The following CNTNAP2 variants were observed in gnomAD, a reference collection of about 807,000 sequenced individuals.
CNTNAP2 encodes the protein contactin-associated protein-like 2.
Under a neutral mutation model 155.2 loss-of-function variants are expected in CNTNAP2, and 98 were observed. That is an observed-to-expected ratio of 0.63 (90% CI 0.54 to 0.75). CNTNAP2 has a LOEUF of 0.75. Ranked by LOEUF, CNTNAP2 falls within the 30% of genes least tolerant of loss-of-function variation. The pLI, the probability that CNTNAP2 is intolerant of heterozygous loss-of-function variation, is 0.00. For missense variants in CNTNAP2, 1,727 were observed against 1,688.1 expected (o/e 1.02, Z -0.40); for synonymous variants, 651 against 631.2 (o/e 1.03, Z -0.47).
Position 147,526,008 on chromosome 7 carries a change from C to T in CNTNAP2, c.1778-36130C>T, listed in dbSNP as rs7780719. On this transcript the variant is annotated intron_variant, in intron 11 of 23. Coordinates refer to ENST00000361727, the MANE Select transcript of CNTNAP2 (RefSeq NM_014141.6). ...AGGAGTTTGACACCAGCCTGTCCAA[C>T]ATGGTGAAACCCCATCTGTACTAAA... Among the ~76,000 whole-genome samples the T allele has an allele frequency of 1.5e-3, 221 of 151,940 alleles. 1 individual carries two copies. The highest frequency in any genetic ancestry group is 4.9e-3 in the African/African-American group (202 of 41,424).
At chr7:146,190,749 C>T (rs1798691177) in intron 1 of CNTNAP2, among the ~76,000 whole-genome samples, 1 of 152,118 alleles carries the variant, frequency 6.6e-6, no homozygotes, top group Non-Finnish European at 1.5e-5. Context: ...ACAAAATCCT[C>T]TTGCTCACAG....
rs536768763 is a variant in CNTNAP2, at chr7:146,142,028, C to A, written c.97+25055C>A. Among the ~76,000 whole-genome samples, 17 of 152,192 alleles carry A rather than the reference C, an allele frequency of 1.1e-4. No homozygotes were observed. The South Asian group carries it at 1.7e-3, about 15-fold the overall frequency. On this transcript the variant is annotated intron_variant, in intron 1 of 23. Coordinates refer to ENST00000361727, the MANE Select transcript of CNTNAP2 (RefSeq NM_014141.6). ...TTCTGCTGTTTTTTCTTAACTTTGC[C>A]CATACTGAGTTTGCTTTGTATTTCC...
chr7:147,545,024 C>G (rs922913553), intron 11 of CNTNAP2, among the ~76,000 whole-genome samples: 7 of 152,000 alleles, frequency 4.6e-5, no homozygotes, highest in African/African-American at 1.7e-4. Context: ...TACACACACA[C>G]ACATACACGT....
intron 13 of CNTNAP2, among the ~76,000 whole-genome samples, chr7:147,681,991 A>G (rs951101323): frequency 1.3e-5 from 2 of 151,910 alleles, no homozygotes; most frequent in African/African-American, 4.8e-5. Context: ...AAAAGGAGAT[A>G]GGAAATGTTA....
intron 1 of CNTNAP2, among the ~76,000 whole-genome samples, chr7:146,492,720 T>A (rs1275641066): frequency 6.6e-6 from 1 of 152,204 alleles, no homozygotes; most frequent in Non-Finnish European, 1.5e-5. Context: ...GTTGTGTATA[T>A]TGAAGCTATA....
At chr7:147,526,352 AAATT>A (rs1799319105) in intron 11 of CNTNAP2, among the ~76,000 whole-genome samples, 1 of 152,174 alleles carries the variant, frequency 6.6e-6, no homozygotes, top group South Asian at 2.1e-4. Context: ...AGGTAGAAGA[AAATT>A]AAGCAGTTTC....
At chr7:146,642,528 C>G (rs538896188) in intron 1 of CNTNAP2, among the ~76,000 whole-genome samples, 1 of 151,294 alleles carries the variant, frequency 6.6e-6, no homozygotes, top group Non-Finnish European at 1.5e-5. Flanking sequence ...ATGGTGTATA[C>G]GTGCCACATT....
rs764735903 is a variant in CNTNAP2 at position 146,624,270 on chromosome 7, C to T, written c.98-150001C>T. Among the ~76,000 whole-genome samples the T allele has an allele frequency of 3.0e-4, 46 of 151,908 alleles. 1 individual carries two copies. Among genetic ancestry groups the T allele is most frequent in the Non-Finnish European group, 5.6e-4 (38 of 67,914 alleles). ...CAAATATTTTAAACTTTAATAACGT[C>T]CAAGATCAATTTTTTATGGATAAAG... On this transcript the variant is annotated intron_variant, in intron 1 of 23. Transcript: ENST00000361727.
intron 1 of CNTNAP2, among the ~76,000 whole-genome samples, chr7:146,435,147 T>A (rs1282591340): frequency 6.6e-6 from 1 of 152,194 alleles, no homozygotes; most frequent in African/African-American, 2.4e-5. Context: ...ATTAACTTGC[T>A]TTTGGCCAAC....
At chr7:146,344,353 T>C (rs1248543663) in intron 1 of CNTNAP2, among the ~76,000 whole-genome samples, 3 of 152,234 alleles carry the variant, frequency 2.0e-5, no homozygotes, top group Non-Finnish European at 4.4e-5. Context: ...GGTCATTTAG[T>C]GTAAAAAACA....
chr7:147,355,577 A>G (rs541128828), intron 9 of CNTNAP2, among the ~76,000 whole-genome samples: 2 of 152,160 alleles, frequency 1.3e-5, no homozygotes, highest in African/African-American at 4.8e-5. Context: ...AGAGAATCAT[A>G]TAGACACAAT....
At chr7:146,746,983 A>G (rs1018698413) in intron 1 of CNTNAP2, among the ~76,000 whole-genome samples, 3 of 152,154 alleles carry the variant, frequency 2.0e-5, no homozygotes, top group Non-Finnish European at 4.4e-5. Flanking sequence ...AATTTATTGA[A>G]TCAAAGAGTA....
chr7:147,283,501 A>G (rs538961457), intron 8 of CNTNAP2, among the ~76,000 whole-genome samples: 199 of 152,030 alleles, frequency 1.3e-3, no homozygotes, highest in Non-Finnish European at 1.5e-3. Flanking sequence ...TAATTGTGCT[A>G]TATAATAAAA....
At chr7:148,365,208 C>A (rs1383322381) in intron 21 of CNTNAP2, among the ~76,000 whole-genome samples, 1 of 152,198 alleles carries the variant, frequency 6.6e-6, no homozygotes, top group Non-Finnish European at 1.5e-5. Flanking sequence ...TCACTCTCTC[C>A]CTTCTCCTGC....
At chr7:147,526,467 G>C (rs948176024) in intron 11 of CNTNAP2, among the ~76,000 whole-genome samples, 77 of 152,082 alleles carry the variant, frequency 5.1e-4, no homozygotes, top group African/African-American at 1.7e-3. Context: ...AGTTTTACTC[G>C]TGAGGATTAA....
intron 4 of CNTNAP2, among the ~76,000 whole-genome samples, chr7:147,101,346 C>A (rs889931381): frequency 3.9e-5 from 6 of 152,168 alleles, no homozygotes; most frequent in African/African-American, 1.4e-4. Flanking sequence ...GGGTGTGGCT[C>A]CATTTCTCGC....
chr7:147,107,413 T>A (rs1269478427), intron 4 of CNTNAP2, among the ~76,000 whole-genome samples: 1 of 152,156 alleles, frequency 6.6e-6, no homozygotes, highest in East Asian at 1.9e-4. Flanking sequence ...AAATTAGAGC[T>A]GCTGTAGTCA....
At chr7:146,220,000 A>T (rs1430614122) in intron 1 of CNTNAP2, among the ~76,000 whole-genome samples, 2 of 152,168 alleles carry the variant, frequency 1.3e-5, no homozygotes, top group South Asian at 4.1e-4. Context: ...GAGTTGCCAC[A>T]GGTGATGACA....
rs190907494 is a variant in CNTNAP2, at chr7:146,411,122, A to G, written c.97+294149A>G. ...ATCACAGTGACTATAGTTAATAACA[A>G]TATACTATATACTTGAAAACTGTGA... On this transcript the variant is annotated intron_variant, in intron 1 of 23. Transcript: ENST00000361727. Among the ~76,000 whole-genome samples, 593 of 152,118 alleles carry G rather than the reference A, an allele frequency of 3.9e-3. 2 individuals carry two copies. The highest frequency in any genetic ancestry group is 6.8e-3 in the Middle Eastern group (2 of 294).
Sources: allele counts gnomAD v4.1 joint callset (sites outside exome capture counted in the v4.1 genomes callset), GRCh38; gene constraint gnomAD v4.1.1; transcripts MANE v1.5; gene names NCBI Gene and HGNC (gene_info 2026-07-23, HGNC 2026-07-21).